The following KIZ variants were observed in gnomAD, a reference collection of about 807,000 sequenced individuals.
The protein encoded by KIZ is kizuna centrosomal protein.
Under a neutral mutation model 79.6 loss-of-function variants are expected in KIZ, and 68 were observed. The observed-to-expected ratio is 0.85, with a 90% CI of 0.70 to 1.05. The LOEUF is 1.05. Among genes scored for constraint, KIZ ranks in the 50% least tolerant of loss-of-function variants. The pLI, the probability that KIZ is intolerant of heterozygous loss-of-function variation, is 0.00. For synonymous variants in KIZ, 280 were observed against 281.8 expected (o/e 0.99, Z 0.06); for missense variants, 797 against 800.4 (o/e 1.00, Z 0.05).
intron 6 of KIZ, among the ~76,000 whole-genome samples, chr20:21,188,674 T>C (rs1242508274): frequency 7.0e-6 from 1 of 142,372 alleles, no homozygotes; most frequent in East Asian, 2.0e-4. Flanking sequence ...TTTTGCATTT[T>C]ATTTTATTTA....
At chr20:21,177,163 T>C (rs1042249543) in intron 6 of KIZ, among the ~76,000 whole-genome samples, 3 of 152,232 alleles carry the variant, frequency 2.0e-5, no homozygotes, top group African/African-American at 2.4e-5. Context: ...TTTTAATTTT[T>C]TGAGGAATCT....
At chr20:21,226,828 G>C (rs1568995116) in intron 9 of KIZ, among the ~76,000 whole-genome samples, 1 of 152,194 alleles carries the variant, frequency 6.6e-6, no homozygotes, top group Non-Finnish European at 1.5e-5. Context: ...AATAAAAACT[G>C]CCCAGGTGGG....
chr20:21,166,435 A>T, intron 6 of KIZ: 1 of 1,593,462 alleles, frequency 6.3e-7, no homozygotes. Context: ...CTCTGTGGTC[A>T]TCAATGATTT....
intron 3 of KIZ, among the ~76,000 whole-genome samples, chr20:21,143,804 G>C (rs1021983275): frequency 6.6e-6 from 1 of 152,184 alleles, no homozygotes; most frequent in Non-Finnish European, 1.5e-5. Context: ...GGAGAGCGCT[G>C]TGGAAAACTC....
chr20:21,238,352 A>AGAGTGTGT (rs145637920), intron 11 of KIZ, among the ~76,000 whole-genome samples: 39 of 149,230 alleles, frequency 2.6e-4, no homozygotes, highest in South Asian at 6.4e-4. Flanking sequence ...AGAGAGAGAG[A>AGAGTGTGT]GTGTGTGTGT....
intron 3 of KIZ, among the ~76,000 whole-genome samples, chr20:21,144,846 A>C (rs184597389): frequency 6.6e-6 from 1 of 152,296 alleles, no homozygotes; most frequent in Non-Finnish European, 1.5e-5. Flanking sequence ...GATGGACCAC[A>C]ATCCATGACT....
chr20:21,174,565 C>T (rs143231502), intron 6 of KIZ, among the ~76,000 whole-genome samples: 2 of 152,276 alleles, frequency 1.3e-5, no homozygotes, highest in Admixed American at 6.5e-5. Flanking sequence ...CCTCTTACTC[C>T]GTCCATATTG....
At chr20:21,203,668 T>C (rs1190480748) in intron 6 of KIZ, among the ~76,000 whole-genome samples, 1 of 152,236 alleles carries the variant, frequency 6.6e-6, no homozygotes, top group South Asian at 2.1e-4. Context: ...CTGAAATGTA[T>C]TTTTTGACCA....
intron 6 of KIZ, among the ~76,000 whole-genome samples, chr20:21,167,085 G>A (rs2033977546): frequency 6.6e-6 from 1 of 152,208 alleles, no homozygotes; most frequent in South Asian, 2.1e-4. Flanking sequence ...CTGAGCCTTA[G>A]ATGAGACTGC....
chr20:21,178,404 A>T (rs1600465335), intron 6 of KIZ, among the ~76,000 whole-genome samples: 1 of 151,710 alleles, frequency 6.6e-6, no homozygotes, highest in African/African-American at 2.4e-5. Flanking sequence ...TAGAAACACA[A>T]CTGATTTTTG....
chr20:21,238,832 G>A (rs2037123191), intron 11 of KIZ, among the ~76,000 whole-genome samples: 1 of 152,326 alleles, frequency 6.6e-6, no homozygotes, highest in Non-Finnish European at 1.5e-5. Flanking sequence ...CTCTTGGAAG[G>A]CCTGGCTGAG....
At chr20:21,196,941 T>TCA (rs2035368554) in intron 6 of KIZ, 11 of 152,222 alleles carry the variant, frequency 7.2e-5, no homozygotes, top group Admixed American at 7.2e-4. Context: ...ATCAACTAGG[T>TCA]CCAGTAACTT....
chr20:21,238,220 T>C (rs78149436), intron 11 of KIZ, among the ~76,000 whole-genome samples: 1 of 145,518 alleles, frequency 6.9e-6, no homozygotes, highest in Admixed American at 6.8e-5. Context: ...TCTAGTTTGT[T>C]TTTTTTTTTT....
intron 6 of KIZ, among the ~76,000 whole-genome samples, chr20:21,204,178 G>C (rs1456592139): frequency 7.1e-6 from 1 of 141,502 alleles, no homozygotes; most frequent in East Asian, 2.1e-4. Context: ...TGCAGTGGCG[G>C]GATCTCGGCT....
intron 9 of KIZ, 132 bp from the exon 10 acceptor site, chr20:21,228,879 C>T: frequency 1.7e-6 from 1 of 571,808 alleles, no homozygotes; most frequent in South Asian, 2.5e-5. Flanking sequence ...TTCAGAATGT[C>T]TAAAAAGTGA....
intron 9 of KIZ, among the ~76,000 whole-genome samples, chr20:21,217,819 C>T (rs538092559): frequency 6.6e-6 from 1 of 152,150 alleles, no homozygotes; most frequent in African/African-American, 2.4e-5. Context: ...CTGTGTGGGC[C>T]CCCACAGTCC....
intron 2 of KIZ, among the ~76,000 whole-genome samples, chr20:21,135,496 G>T (rs936246549): frequency 1.3e-5 from 2 of 152,160 alleles, no homozygotes; most frequent in African/African-American, 2.4e-5. Context: ...GAAAATTGTT[G>T]GCCTAGGATT....
intron 1 of KIZ, among the ~76,000 whole-genome samples, chr20:21,129,457 G>A (rs1221140879): frequency 2.0e-5 from 3 of 152,164 alleles, no homozygotes; most frequent in African/African-American, 4.8e-5. Flanking sequence ...TAAAGTGGCT[G>A]GGCGTGGTGG....
In KIZ at chr20:21,229,168, G is replaced by T. The variant is rs1193521192; in HGVS notation, c.1783+53G>T. The T allele has an allele frequency of 4.9e-6, 5 of 1,014,728 alleles. No individual in the cohort carries two copies. The East Asian group carries it at 1.2e-4, about 25-fold the overall frequency. The allele number at this position is 1,014,728 out of a possible 1,614,324, so 62.9% of individuals were successfully genotyped here. Reference sequence around the variant, plus strand: ...GGGGCCCAGAGTGGCAGGCAGGGCTGTGTTCGGGGAAGGGTGGTTATTCTT... The same window carrying T: ...GGGGCCCAGAGTGGCAGGCAGGGCTTTGTTCGGGGAAGGGTGGTTATTCTT... On this transcript the variant is annotated intron_variant, in intron 10 of 12. Coordinates refer to ENST00000619189, the MANE Select transcript of KIZ (RefSeq NM_018474.6).
Sources: allele counts gnomAD v4.1 joint callset (sites outside exome capture counted in the v4.1 genomes callset), GRCh38; gene constraint gnomAD v4.1.1; transcripts MANE v1.5; gene names NCBI Gene and HGNC (gene_info 2026-07-23, HGNC 2026-07-21).